Variants in GNAS-AS1 observed in about 807,000 individuals in gnomAD.
GNAS-AS1 encodes GNAS antisense RNA 1.
In GNAS-AS1 at chr20:58,830,399, A is replaced by ATTACCAC. The variant is rs1177883161; in HGVS notation, n.820-11145_820-11144insGTGGTAA. 4.3e-4 allele frequency among the ~76,000 whole-genome samples: 51 copies of ATTACCAC among 117,462 alleles called. 2 individuals are homozygous for ATTACCAC. Among genetic ancestry groups the ATTACCAC allele is most frequent in the Non-Finnish European group, 7.0e-4 (40 of 57,388 alleles). The allele number at this position is 117,462 out of a possible 152,430, so 77.1% of individuals were successfully genotyped here. A position where few individuals can be genotyped will look rare whatever the true frequency, so the allele number is the denominator to read the frequency against. On this transcript the variant is annotated intron_variant and non_coding_transcript_variant, in intron 4 of 4. Transcript: ENST00000424094. ...CATCACCACAATCACCACCACCATC[A>ATTACCAC]CTGCCACACCACCATCACCACCACC...
chr20:58,833,486 A>G (rs1373036546), intron 4 of GNAS-AS1, among the ~76,000 whole-genome samples: 1 of 152,148 alleles, frequency 6.6e-6, no homozygotes, highest in Non-Finnish European at 1.5e-5. Flanking sequence ...TATGTCACTC[A>G]TGGGCCCTAT....
In GNAS-AS1 at chr20:58,840,985, G is replaced by A; in HGVS notation, n.819+952C>T. 2 of 1,290,112 alleles carry A rather than the reference G, an allele frequency of 1.6e-6. No individual in the cohort carries two copies. Among genetic ancestry groups the A allele is most frequent in the Admixed American group, 3.9e-5 (2 of 50,860 alleles). The allele number at this position is 1,290,112 out of a possible 1,614,324, so 79.9% of individuals were successfully genotyped here. A position where few individuals can be genotyped will look rare whatever the true frequency, so the allele number is the denominator to read the frequency against. ...GGAAAGGCAGGTCAGGGGCGAGTGG[G>A]AAGAGAGGAGGCTCAGCTGGTCAGC... On this transcript the variant is annotated intron_variant and non_coding_transcript_variant, in intron 4 of 4. Coordinates refer to ENST00000424094, the Ensembl canonical transcript of GNAS-AS1. This position sits in a 1 kb window ranked among gnomAD's most constrained non-coding sequence, Gnocchi z 6.0.
chr20:58,838,746 C>T (rs570493547), intron 4 of GNAS-AS1: 111 of 345,712 alleles, frequency 3.2e-4, no homozygotes, highest in Non-Finnish European at 5.2e-4. Context: ...GGCGAAACCC[C>T]TCTCTACTAA....
In GNAS-AS1 at chr20:58,840,304, C is replaced by G; in HGVS notation, n.819+1633G>C. On this transcript the variant is annotated intron_variant and non_coding_transcript_variant, in intron 4 of 4. Coordinates refer to ENST00000424094, the Ensembl canonical transcript of GNAS-AS1. This position sits in a 1 kb window ranked among gnomAD's most constrained non-coding sequence, Gnocchi z 6.0. ...CCCAACAGCGCCGGAGCTTCCTTAACGCCCACCACCGCTCCGGCGCCCAGG... is the reference window on the plus strand; with the variant it reads ...CCCAACAGCGCCGGAGCTTCCTTAAGGCCCACCACCGCTCCGGCGCCCAGG... The G allele has an allele frequency of 1.2e-6, 2 of 1,612,756 alleles. No homozygotes were observed. Among genetic ancestry groups the G allele is most frequent in the Non-Finnish European group, 1.7e-6 (2 of 1,179,926 alleles).
rs557714686 is a variant in GNAS-AS1 at position 58,840,242 on chromosome 20, G to C, written n.819+1695C>G. On this transcript the variant is annotated intron_variant and non_coding_transcript_variant, in intron 4 of 4. Transcript: ENST00000424094. This position sits in a 1 kb window ranked among gnomAD's most constrained non-coding sequence, Gnocchi z 6.0. ...CTCCATCGCGCTCCTCCGCGCCCTT[G>C]CCACCTCCAACGCCCGTGCCCAGCA... is the stretch of plus-strand genomic sequence containing the variant. 9 of 1,611,110 alleles carry C rather than the reference G, an allele frequency of 5.6e-6. No individual in the cohort carries two copies. The South Asian group carries it at 9.9e-5, about 18-fold the overall frequency.
intron 4 of GNAS-AS1, chr20:58,824,182 T>C: frequency 2.5e-6 from 1 of 397,984 alleles, no homozygotes; most frequent in East Asian, 3.6e-5. Flanking sequence ...CACTATGATT[T>C]CTGGGATTTG....
intron 4 of GNAS-AS1, among the ~76,000 whole-genome samples, chr20:58,825,395 AAGGAGGTGCTC>A (rs1163061570): frequency 1.3e-5 from 2 of 152,146 alleles, no homozygotes; most frequent in African/African-American, 4.8e-5. Flanking sequence ...GGACAGGATC[AAGGAGGTGCTC>A]AGGGCTGCAC....
chr20:58,831,503 C>T (rs566051051), intron 4 of GNAS-AS1, among the ~76,000 whole-genome samples: 1 of 152,186 alleles, frequency 6.6e-6, no homozygotes, highest in South Asian at 2.1e-4. Flanking sequence ...GGTGAAACCT[C>T]GTCTCTACTA....
intron 4 of GNAS-AS1, among the ~76,000 whole-genome samples, chr20:58,831,898 A>C (rs1260743187): frequency 6.6e-6 from 1 of 152,240 alleles, no homozygotes; most frequent in Non-Finnish European, 1.5e-5. Context: ...CCCTCCCCTG[A>C]ATAAATTTGG....
At chr20:58,844,582 A>C (rs1217910038) in intron 2 of GNAS-AS1, among the ~76,000 whole-genome samples, 3 of 152,142 alleles carry the variant, frequency 2.0e-5, no homozygotes, top group African/African-American at 7.2e-5. Context: ...TTCTAAAATG[A>C]GATCGCTGAA....
chr20:58,840,012 G>T lies in GNAS-AS1; in HGVS notation n.819+1925C>A. On this transcript the variant is annotated intron_variant and non_coding_transcript_variant, in intron 4 of 4. Coordinates refer to ENST00000424094, the Ensembl canonical transcript of GNAS-AS1. This position sits in a 1 kb window ranked among gnomAD's most constrained non-coding sequence, Gnocchi z 6.0. ...TCCGGGCCAGCTTCTCACCTCATAG[G>T]GTGTACCTTTCCCGGCTCCAGCAGC... 1 of 1,415,442 alleles carries T rather than the reference G, an allele frequency of 7.1e-7. No individual in the cohort carries two copies. The highest frequency in any genetic ancestry group is 9.9e-7 in the Non-Finnish European group (1 of 1,014,498). The allele number at this position is 1,415,442 out of a possible 1,614,324, so 87.7% of individuals were successfully genotyped here.
chr20:58,839,485 G>A, intron 4 of GNAS-AS1: 1 of 401,544 alleles, frequency 2.5e-6, no homozygotes, highest in Non-Finnish European at 4.4e-6. Flanking sequence ...GGGAGCCTGC[G>A]CCCACCTGCC....
chr20:58,839,426 T>C, intron 4 of GNAS-AS1: 1 of 399,918 alleles, frequency 2.5e-6, no homozygotes, highest in Non-Finnish European at 4.4e-6. Flanking sequence ...TCCCAGGCTG[T>C]GTTTATTTCC....
At chr20:58,849,310 G>C (rs1294567891) in intron 1 of GNAS-AS1, among the ~76,000 whole-genome samples, 1 of 152,076 alleles carries the variant, frequency 6.6e-6, no homozygotes, top group Non-Finnish European at 1.5e-5. Context: ...CCTTCCTCTG[G>C]TGTGCTCCCA....
intron 2 of GNAS-AS1, chr20:58,848,775 G>C: frequency 2.5e-6 from 1 of 397,282 alleles, no homozygotes; most frequent in Non-Finnish European, 4.4e-6. Flanking sequence ...TCAGGTCCCT[G>C]TGGCCTTGCA....
rs76041217 is a variant in GNAS-AS1, at chr20:58,821,472, T to C, written n.820-2217A>G. Among the ~76,000 whole-genome samples, 1,275 of 152,370 alleles carry C rather than the reference T, an allele frequency of 8.4e-3. 23 individuals carry two copies. The highest frequency in any genetic ancestry group is 0.029 in the African/African-American group (1,201 of 41,592). On this transcript the variant is annotated intron_variant and non_coding_transcript_variant, in intron 4 of 4. Coordinates refer to ENST00000424094, the Ensembl canonical transcript of GNAS-AS1. ...GCTGTGTGGCCTTGGGCAAGCTATC[T>C]GACCTGTGCGTACCTCAGTTTTCCC...
At chr20:58,826,155 G>C (rs1202012686) in intron 4 of GNAS-AS1, 1 of 398,488 alleles carries the variant, frequency 2.5e-6, no homozygotes, top group Non-Finnish European at 4.4e-6. Context: ...AAAATAGTGG[G>C]AGAAGGGAAG....
chr20:58,849,823 T>C (rs911596103), intron 1 of GNAS-AS1, among the ~76,000 whole-genome samples: 5 of 152,236 alleles, frequency 3.3e-5, no homozygotes, highest in Non-Finnish European at 7.3e-5. Context: ...GCATAACCCC[T>C]TTCCTTTGTT....
intron 4 of GNAS-AS1, among the ~76,000 whole-genome samples, chr20:58,823,535 C>T (rs192569428): frequency 7.9e-5 from 12 of 152,218 alleles, no homozygotes; most frequent in African/African-American, 1.9e-4. Context: ...CCATCCCCCC[C>T]GTCTCCCGAC....
Sources: allele counts gnomAD v4.1 joint callset (sites outside exome capture counted in the v4.1 genomes callset), GRCh38; gene constraint gnomAD v4.1.1; non-coding constraint Gnocchi (gnomAD v3.1); transcripts MANE v1.5; gene names NCBI Gene and HGNC (gene_info 2026-07-23, HGNC 2026-07-21).